KCNC4: variants seen among roughly 807,000 people sequenced by gnomAD.
KCNC4 encodes voltage-gated potassium channel KCNC4.
Under a neutral mutation model 42.8 loss-of-function variants are expected in KCNC4, and 23 were observed. The ratio of observed to expected loss-of-function variants is 0.54; its 90% confidence interval spans 0.39 to 0.76. KCNC4 has a LOEUF of 0.76. Among genes scored for constraint, KCNC4 ranks in the 30% least tolerant of loss-of-function variants. The pLI is 0.00. For synonymous variants in KCNC4, 422 were observed against 393.5 expected (o/e 1.07, Z -0.86); for missense variants, 751 against 898.2 (o/e 0.84, Z 2.10).
chr1:110,213,163 C>G (rs968114571), intron 1 of KCNC4, among the ~76,000 whole-genome samples: 1 of 76,566 alleles, frequency 1.3e-5, no homozygotes, highest in East Asian at 2.7e-4. Flanking sequence ...CATTATGCTT[C>G]GACAGCTAAA....
intron 1 of KCNC4, 196 bp from the exon 2 acceptor site, chr1:110,222,768 A>G (rs1326839808): frequency 3.5e-6 from 2 of 572,206 alleles, no homozygotes; most frequent in Non-Finnish European, 6.2e-6. Context: ...AGATTGGGAA[A>G]CATTGCCCGA....
intron 3 of KCNC4, chr1:110,232,173 TG>T: frequency 6.3e-7 from 1 of 1,589,840 alleles, no homozygotes; most frequent in South Asian, 1.1e-5. Flanking sequence ...TCTGAGGGGT[TG>T]GGTTTCTCAA....
At chr1:110,215,321 CT>C (rs1657729424) in intron 1 of KCNC4, among the ~76,000 whole-genome samples, 1 of 152,176 alleles carries the variant, frequency 6.6e-6, no homozygotes, top group African/African-American at 2.4e-5. Flanking sequence ...GTGGCCTGAG[CT>C]GGGAACAGGT....
At chr1:110,224,192 G>C in intron 2 of KCNC4, 1 of 383,314 alleles carries the variant, frequency 2.6e-6, no homozygotes, top group Non-Finnish European at 4.7e-6. Flanking sequence ...ATCCAATCTT[G>C]GCCACTGTGC....
intron 2 of KCNC4, chr1:110,225,714 GT>G: frequency 2.2e-6 from 1 of 448,004 alleles, no homozygotes; most frequent in Non-Finnish European, 4.0e-6. Flanking sequence ...AGTCACTGCT[GT>G]AGGGCATCTG....
intron 3 of KCNC4, among the ~76,000 whole-genome samples, chr1:110,231,240 G>GGGCCCAGGCTGCCC (rs1658674058): frequency 6.6e-6 from 1 of 152,168 alleles, no homozygotes; most frequent in African/African-American, 2.4e-5. Context: ...ACTGGCTGCA[G>GGGCCCAGGCTGCCC]GGCCCAGGCT....
At position 110,223,233 on chromosome 1, in the gene KCNC4, C is replaced by A. The variant is rs758638839; in HGVS notation, c.948C>A (p.Ile316=). The change falls in exon 2 of 4, where the codon ATC becomes ATA. Residue 316 remains isoleucine (I), a synonymous_variant. Transcript: ENST00000438661. This position sits in a 1 kb window ranked among gnomAD's most constrained non-coding sequence, Gnocchi z 7.5. ...TLDFVKNLLN[I]IDFVAILPFY... ...ACTTCGTCAAGAACCTGCTCAACATCATCGACTTTGTGGCCATCCTGCCCT... is the reference window on the plus strand; with the variant it reads ...ACTTCGTCAAGAACCTGCTCAACATAATCGACTTTGTGGCCATCCTGCCCT... The A allele has an allele frequency of 1.9e-6, 3 of 1,614,256 alleles. No homozygotes were observed. The South Asian group carries it at 3.3e-5, about 18-fold the overall frequency.
At chr1:110,275,954 CAAAAAAA>C (rs61372696) in intron 1 of KCNC4, among the ~76,000 whole-genome samples, 1 of 106,238 alleles carries the variant, frequency 9.4e-6, no homozygotes, top group East Asian at 2.8e-4. Context: ...GACTCCGCCT[CAAAAAAA>C]AAAAAAAAAA....
chr1:110,218,709 A>G (rs1178854048), intron 1 of KCNC4, among the ~76,000 whole-genome samples: 1 of 152,180 alleles, frequency 6.6e-6, no homozygotes, highest in Non-Finnish European at 1.5e-5. Context: ...GAACTCATGC[A>G]GGTCTCATAT....
At chr1:110,231,477 C>A (rs759604323) in intron 3 of KCNC4, among the ~76,000 whole-genome samples, 1 of 152,150 alleles carries the variant, frequency 6.6e-6, no homozygotes, top group African/African-American at 2.4e-5. Context: ...TGCTCTGCTC[C>A]CTGGCTTCTG....
rs910916020 is a variant in KCNC4 at position 110,210,933 on chromosome 1, G to A, written c.-567G>A. ...CCGCCGCCGCCGCCTCGTGTTGACC[G>A]CAAGCAGCCCGGGCCCACGGAGCTC... On this transcript the variant is annotated 5_prime_UTR_variant, in exon 1 of 4. Transcript: ENST00000438661. Among the ~76,000 whole-genome samples, 3 of 152,008 alleles carry A rather than the reference G, an allele frequency of 2.0e-5. No homozygotes were observed. Among genetic ancestry groups the A allele is most frequent in the African/African-American group, 7.3e-5 (3 of 41,342 alleles).
Position 110,212,039 on chromosome 1 carries a change from TG to T in KCNC4, c.541del (p.Glu181SerfsTer47). The T allele has an allele frequency of 6.3e-7, 1 of 1,583,826 alleles. No homozygotes were observed. The highest frequency in any genetic ancestry group is 8.6e-7 in the Non-Finnish European group (1 of 1,166,942). ...AGPSDEAGDDERELALQRLGP... is the reference protein window; with the variant it reads ...AGPSDEAGDDXRELALQRLGP... The stretch of plus-strand genomic sequence containing the variant: ...GGCCCAGCGACGAGGCCGGCGACGA[TG>T]AGCGGGAGCTGGCCCTGCAGCGACT... On this transcript the variant is annotated frameshift_variant, in exon 1 of 4. Transcript: ENST00000438661. LOFTEE classifies it high-confidence loss of function.
rs1657470083 is a variant in KCNC4, at chr1:110,211,747, G to A, written c.248G>A (p.Ser83Asn). The change falls in exon 1 of 4, where the codon AGC becomes AAC. Residue 83 changes from serine (S) to asparagine (N), a missense_variant. This residue lies in a region of KCNC4 where 183 missense variants were observed against 255.8 expected (regional missense o/e 0.72). Coordinates refer to ENST00000438661, the MANE Select transcript of KCNC4 (RefSeq NM_001039574.3). The surrounding 1 kb of genome is among the most constrained non-coding windows in gnomAD (Gnocchi z 6.5). Reference sequence around the variant, plus strand: ...GAGACCGATGGCGGCGGTGTGGGTAGCAGCGGCAGCAGCGGCGGCGGGGGC... The same window carrying A: ...GAGACCGATGGCGGCGGTGTGGGTAACAGCGGCAGCAGCGGCGGCGGGGGC... ...RPETDGGGVG[S>N]SGSSGGGGCE... 1 of 1,608,188 alleles carries A rather than the reference G, an allele frequency of 6.2e-7. No individual in the cohort carries two copies. Among genetic ancestry groups the A allele is most frequent in the Non-Finnish European group, 8.5e-7 (1 of 1,178,388 alleles).
At chr1:110,213,170 TAAAAAAAAAA>T (rs760587471) in intron 1 of KCNC4, among the ~76,000 whole-genome samples, 31 of 50,848 alleles carry the variant, frequency 6.1e-4, no homozygotes, top group African/African-American at 2.6e-3. Context: ...CTTCGACAGC[TAAAAAAAAAA>T]AAAAAAAAAA....
chr1:110,263,415 T>G (rs2101078064), intron 1 of KCNC4, among the ~76,000 whole-genome samples: 1 of 152,288 alleles, frequency 6.6e-6, no homozygotes, highest in Middle Eastern at 3.4e-3. Flanking sequence ...GGCTGTTTAT[T>G]TCCTAGGGTT....
Position 110,233,034 on chromosome 1 carries a change from T to G in KCNC4, c.*62T>G, listed in dbSNP as rs959824920. 2 of 1,558,846 alleles carry G rather than the reference T, an allele frequency of 1.3e-6. No individual in the cohort carries two copies. Among genetic ancestry groups the G allele is most frequent in the African/African-American group, 1.4e-5 (1 of 73,456 alleles). On this transcript the variant is annotated 3_prime_UTR_variant, in exon 4 of 4. Coordinates refer to ENST00000438661, the MANE Select transcript of KCNC4 (RefSeq NM_001039574.3). ...GAAAGCCAGAGGCTTAGGGAAACTC[T>G]GGAACCCAGACAAGAATCTTTTCGC...
intron 1 of KCNC4, among the ~76,000 whole-genome samples, chr1:110,259,198 T>G (rs1398799017): frequency 6.6e-6 from 1 of 152,128 alleles, no homozygotes; most frequent in Non-Finnish European, 1.5e-5. Context: ...CCAAGGAAAT[T>G]GTTCAGGAAT....
At chr1:110,267,179 A>G (rs1659553855) in intron 1 of KCNC4, among the ~76,000 whole-genome samples, 2 of 152,238 alleles carry the variant, frequency 1.3e-5, no homozygotes, top group East Asian at 3.9e-4. Flanking sequence ...AGAGCTGAGG[A>G]GGCCACTGGG....
chr1:110,219,742 G>A (rs1179985034), intron 1 of KCNC4: 3 of 152,194 alleles, frequency 2.0e-5, no homozygotes, highest in Non-Finnish European at 2.9e-5. Context: ...TGCCCACAGG[G>A]ATACACAGTG....
Sources: allele counts gnomAD v4.1 joint callset (sites outside exome capture counted in the v4.1 genomes callset), GRCh38; gene constraint gnomAD v4.1.1; regional missense constraint gnomAD v4.1.1; non-coding constraint Gnocchi (gnomAD v3.1); transcripts MANE v1.5; gene names NCBI Gene and HGNC (gene_info 2026-07-23, HGNC 2026-07-21).